The following ICE2 variants were observed in gnomAD, a reference collection of about 807,000 sequenced individuals.
The protein encoded by ICE2 is interactor of little elongation complex ELL subunit 2, also known as little elongation complex subunit 2.
In ICE2, 87 loss-of-function variants were observed where a neutral mutation model predicts 105.4. The ratio of observed to expected loss-of-function variants is 0.83; its 90% CI spans 0.69 to 0.99. ICE2 has a LOEUF of 0.99. Among genes scored for constraint, ICE2 ranks in the 50% least tolerant of loss-of-function variants. The pLI, the probability that ICE2 is intolerant of heterozygous loss-of-function variation, is 0.00. For missense variants in ICE2, 1,323 were observed against 1,146.7 expected (o/e 1.15, Z -2.22); for synonymous variants, 399 against 392.0 (o/e 1.02, Z -0.21).
intron 2 of ICE2, among the ~76,000 whole-genome samples, chr15:60,477,231 T>A (rs2141182597): frequency 6.6e-6 from 1 of 152,330 alleles, no homozygotes; most frequent in South Asian, 2.1e-4. Context: ...ATTCTTAAGT[T>A]TCTGCACATC....
intron 14 of ICE2, 76 bp from the exon 15 acceptor site, chr15:60,428,763 T>A: frequency 1.4e-6 from 2 of 1,465,626 alleles, no homozygotes; most frequent in East Asian, 2.3e-5. Flanking sequence ...TCATAATCTA[T>A]TAGTAAAATT....
intron 8 of ICE2, chr15:60,454,616 T>C (rs973577043): frequency 5.7e-5 from 9 of 157,950 alleles, no homozygotes; most frequent in Middle Eastern, 2.9e-3. Flanking sequence ...CCTCCTTAAA[T>C]CAGTACTTTG....
chr15:60,423,024 T>TAAAC lies in ICE2; in HGVS notation c.*606_*609dup, dbSNP rs1193529554. 1 of 152,648 alleles carries TAAAC rather than the reference T, an allele frequency of 6.6e-6. No homozygotes were observed. Among genetic ancestry groups the TAAAC allele is most frequent in the Non-Finnish European group, 1.5e-5 (1 of 68,038 alleles). The allele number at this position is 152,648 out of a possible 1,614,324, so 9.5% of individuals were successfully genotyped here. A position where few individuals can be genotyped will look rare whatever the true frequency, so the allele number is the denominator to read the frequency against. On this transcript the variant is annotated 3_prime_UTR_variant, in exon 16 of 16. Transcript: ENST00000261520. ...TATACCACCAAATTTTTTCTTTTAT[T>TAAAC]AAACAAACTGATGGTTGCCAAACAA...
rs776137249 is a variant in ICE2 at position 60,455,333 on chromosome 15, A to AT, written c.775dup (p.Met259AsnfsTer4). 6.2e-7 allele frequency: 1 copy of AT among 1,611,352 alleles called. No homozygotes were observed. The highest frequency in any genetic ancestry group is 1.1e-5 in the South Asian group (1 of 90,944). On this transcript the variant is annotated frameshift_variant, in exon 7 of 16. Transcript: ENST00000261520. LOFTEE classifies it high-confidence loss of function. Reference sequence around the variant, plus strand: ...TGTTGCCTTGGTACTTACATAATGCATAGCTTCAGCTGTTTGTTCTGACGT... The same window carrying AT: ...TGTTGCCTTGGTACTTACATAATGCATTAGCTTCAGCTGTTTGTTCTGACGT...
chr15:60,474,500 T>C (rs1383666503), intron 3 of ICE2, among the ~76,000 whole-genome samples: 1 of 152,104 alleles, frequency 6.6e-6, no homozygotes, highest in African/African-American at 2.4e-5. Context: ...AGGCCGTGCA[T>C]GGTGGCTCAT....
rs749596371 is a variant in ICE2 at position 60,455,381 on chromosome 15, T to C, written c.728A>G (p.Lys243Arg). ...PSMPIKLQLS[K>R]DDIATIETSE... ...CGTTTCAATGGTAGCTATATCGTCC[T>C]TTGACAGCTGCAACTTTATAGGCAT... Residue 243 changes from lysine (K) to arginine (R), a missense_variant, in exon 7 of 16, where the codon AAG becomes AGG. Lys to Arg is a conservative substitution (Grantham distance 26, BLOSUM62 2). Transcript: ENST00000261520. The C allele has an allele frequency of 1.4e-5, 23 of 1,613,936 alleles. No individual in the cohort carries two copies. Among genetic ancestry groups the C allele is most frequent in the Non-Finnish European group, 1.9e-5 (22 of 1,179,964 alleles).
chr15:60,455,316 T>C lies in ICE2; in HGVS notation c.783+10A>G. On this transcript the variant is annotated intron_variant, in intron 7 of 15. Coordinates refer to ENST00000261520, the MANE Select transcript of ICE2 (RefSeq NM_024611.6). ...TATTTAGGAAGATCCAATGTTGCCT[T>C]GGTACTTACATAATGCATAGCTTCA... 1 of 1,595,676 alleles carries C rather than the reference T, an allele frequency of 6.3e-7. No homozygotes were observed. Among genetic ancestry groups the C allele is most frequent in the Non-Finnish European group, 8.6e-7 (1 of 1,164,090 alleles).
At chr15:60,456,861 T>G (rs2064141250) in intron 5 of ICE2, 67 bp from the exon 6 acceptor site, 2 of 985,078 alleles carry the variant, frequency 2.0e-6, no homozygotes, top group Non-Finnish European at 2.9e-6. Flanking sequence ...AAATTTTTAG[T>G]TACATGTGAC....
chr15:60,448,820 T>C lies in ICE2; in HGVS notation c.2119+28A>G, dbSNP rs774572228. The C allele has an allele frequency of 5.4e-5, 83 of 1,546,132 alleles. No individual in the cohort carries two copies. In the East Asian group the frequency reaches 1.8e-3, roughly 34 times the overall value. On this transcript the variant is annotated intron_variant, in intron 10 of 15. Transcript: ENST00000261520. ...TAAGGAAAAAGAACAAGTAAAACAC[T>C]GTAAGCTCTTTGTAAATATTTACTT...
rs1454220519 is a variant in ICE2, at chr15:60,420,345, A to G, written c.*3289T>C. The stretch of plus-strand genomic sequence containing the variant: ...TTATACATCACTTGAGCCCACTCCT[A>G]TTCTTGCTGCTTTAATTCTGGGCCA... On this transcript the variant is annotated 3_prime_UTR_variant, in exon 16 of 16. Coordinates refer to ENST00000261520, the MANE Select transcript of ICE2 (RefSeq NM_024611.6). The G allele has an allele frequency of 1.3e-5, 2 of 150,720 alleles. No individual in the cohort carries two copies. Among genetic ancestry groups the G allele is most frequent in the African/African-American group, 2.4e-5 (1 of 40,886 alleles). 9.3% of individuals were successfully genotyped at this position (150,720 alleles called of 1,614,324 possible).
At chr15:60,451,596 C>G in intron 9 of ICE2, 1 of 984,910 alleles carries the variant, frequency 1.0e-6, no homozygotes, top group South Asian at 4.7e-5. Flanking sequence ...GCATTATCAT[C>G]CTCTCATTTT....
chr15:60,425,617 T>C (rs956607453), intron 15 of ICE2, among the ~76,000 whole-genome samples: 2 of 152,174 alleles, frequency 1.3e-5, no homozygotes, highest in African/African-American at 4.8e-5. Context: ...TCAGGGTTAG[T>C]ACCAAAGGCA....
chr15:60,475,427 T>A (rs888364727), intron 3 of ICE2, among the ~76,000 whole-genome samples: 2 of 151,816 alleles, frequency 1.3e-5, no homozygotes, highest in African/African-American at 4.8e-5. Context: ...GAAATAACTA[T>A]AAAAATTCAC....
At chr15:60,435,897 G>A (rs542368754) in intron 13 of ICE2, among the ~76,000 whole-genome samples, 6 of 150,538 alleles carry the variant, frequency 4.0e-5, no homozygotes, top group East Asian at 2.0e-4. Flanking sequence ...CCCTTGAACC[G>A]GGGAGGCAGA....
intron 12 of ICE2, chr15:60,440,349 T>C (rs2063692668): frequency 6.6e-6 from 1 of 152,184 alleles, no homozygotes; most frequent in Non-Finnish European, 1.5e-5. Context: ...TGATAAATAT[T>C]ATAGGGTTGG....
In ICE2 at chr15:60,453,602, C is replaced by T. The variant is rs757358456; in HGVS notation, c.1125+1G>A. The T allele has an allele frequency of 3.7e-6, 6 of 1,612,460 alleles. No individual in the cohort carries two copies. The Admixed American group carries it at 5.0e-5, about 13-fold the overall frequency. ...TAGGGGAAAAAAAAAGCATTACATA[C>T]GTCCATTTCAGATATAAACTCTTCA... On this transcript the variant is annotated splice_donor_variant, in intron 9 of 15. Transcript: ENST00000261520. LOFTEE classifies it high-confidence loss of function.
At chr15:60,452,034 G>T (rs28665816) in intron 9 of ICE2, 1 of 953,176 alleles carries the variant, frequency 1.0e-6, no homozygotes, top group Non-Finnish European at 1.2e-6. Context: ...CAAATTACCT[G>T]GTCTACCATT....
chr15:60,454,307 C>T (rs1309713754), intron 8 of ICE2, among the ~76,000 whole-genome samples: 2 of 152,132 alleles, frequency 1.3e-5, no homozygotes, highest in African/African-American at 4.8e-5. Flanking sequence ...TACCCTATTG[C>T]TTATATGTAT....
At chr15:60,475,988 A>C in intron 3 of ICE2, 75 bp downstream of exon 3, 1 of 900,212 alleles carries the variant, frequency 1.1e-6, no homozygotes, top group Non-Finnish European at 1.7e-6. Context: ...TTAATACTAG[A>C]GATACACATA....
Sources: gnomAD v4.1 joint callset for allele counts (sites outside exome capture counted in the v4.1 genomes callset) on GRCh38, gnomAD v4.1.1 for gene constraint, MANE v1.5 for transcripts, NCBI Gene and HGNC (gene_info 2026-07-23, HGNC 2026-07-21) for gene names.